SERPINB2: variants seen among roughly 807,000 people sequenced by gnomAD.
SERPINB2 encodes serpin family B member 2.
SERPINB2 carries 28 observed loss-of-function variants against 39.4 expected under a neutral mutation model. The ratio of observed to expected loss-of-function variants is 0.71; its 90% confidence interval spans 0.53 to 0.97. The LOEUF (loss-of-function observed/expected upper bound fraction) is 0.97, where lower values mean the gene tolerates loss of function less well. Ranked by LOEUF, SERPINB2 falls within the 50% of genes least tolerant of loss-of-function variation. SERPINB2 has a pLI of 0.00. For synonymous variants in SERPINB2, 209 were observed against 175.1 expected (o/e 1.19, Z -1.53); for missense variants, 557 against 505.3 (o/e 1.10, Z -0.98).
In SERPINB2 at chr18:63,888,962, T is replaced by C. The variant is rs73475994; in HGVS notation, c.-10+1192T>C. On this transcript the variant is annotated intron_variant, in intron 1 of 7. Transcript: ENST00000299502. ...CATTCAAACATAAAGTATGGCCTTA[T>C]CTGAGAGTCAGGAAACACTGCATAT... Among the ~76,000 whole-genome samples the C allele has an allele frequency of 9.0e-3, 1,364 of 152,326 alleles. 31 individuals are homozygous for C. Among genetic ancestry groups the C allele is most frequent in the African/African-American group, 0.031 (1,307 of 41,568 alleles).
chr18:63,889,480 T>C (rs1447030113), intron 1 of SERPINB2, among the ~76,000 whole-genome samples: 1 of 152,212 alleles, frequency 6.6e-6, no homozygotes, highest in Non-Finnish European at 1.5e-5. Flanking sequence ...CGGTATGAAT[T>C]GTTACAAAGA....
chr18:63,895,768 G>A (rs1461839229), intron 3 of SERPINB2, among the ~76,000 whole-genome samples: 1 of 152,100 alleles, frequency 6.6e-6, no homozygotes, highest in Non-Finnish European at 1.5e-5. Flanking sequence ...CAGAAGGCTG[G>A]GCCCAATGAT....
Position 63,897,846 on chromosome 18 carries a change from TA to T in SERPINB2, c.535+5del. On this transcript the variant is annotated splice_donor_region_variant and intron_variant, in intron 5 of 7. Coordinates refer to ENST00000299502, the MANE Select transcript of SERPINB2 (RefSeq NM_002575.3). ...CCTGGGTCAAGACTCAAACCAAAGG[TA>T]AATCCAAGAAAATATTTTATTTACT... The T allele has an allele frequency of 6.5e-7, 1 of 1,535,830 alleles. No homozygotes were observed. The highest frequency in any genetic ancestry group is 9.0e-7 in the Non-Finnish European group (1 of 1,116,942).
At position 63,891,573 on chromosome 18, in the gene SERPINB2, C is replaced by T; in HGVS notation, c.129C>T (p.Tyr43=). 1 of 1,614,152 alleles carries T rather than the reference C, an allele frequency of 6.2e-7. No homozygotes were observed. Among genetic ancestry groups the T allele is most frequent in the East Asian group, 2.2e-5 (1 of 44,882 alleles). The stretch of plus-strand genomic sequence containing the variant: ...TCTCGTCCACCATGGCCATGGTCTA[C>T]ATGGGCTCCAGGGGCAGCACCGAAG... ...WSISSTMAMV[Y]MGSRGSTEDQ... The change falls in exon 2 of 8, where the codon TAC becomes TAT. Residue 43 remains tyrosine, a synonymous_variant. Coordinates refer to ENST00000299502, the MANE Select transcript of SERPINB2 (RefSeq NM_002575.3).
intron 4 of SERPINB2, 57 bp from the exon 5 acceptor site, chr18:63,897,670 G>T (rs2049968708): frequency 1.7e-6 from 2 of 1,169,098 alleles, no homozygotes; most frequent in African/African-American, 3.1e-5. Context: ...TCACCATTAT[G>T]CCATGGCTTG....
At position 63,891,379 on chromosome 18, in the gene SERPINB2, C is replaced by T. The variant is rs146240723; in HGVS notation, c.-9-57C>T. On this transcript the variant is annotated intron_variant, in intron 1 of 7. Transcript: ENST00000299502. The stretch of plus-strand genomic sequence containing the variant: ...GCCTGTCCTACTGTTGCTGACCTCA[C>T]CCAAAATGTTACCTTATGTTTCAGA... 7.6e-3 allele frequency: 12,048 copies of T among 1,583,346 alleles called. 62 individuals are homozygous for T. Among genetic ancestry groups the T allele is most frequent in the Non-Finnish European group, 9.5e-3 (11,041 of 1,158,346 alleles).
At chr18:63,896,200 TG>T in intron 3 of SERPINB2, among the ~76,000 whole-genome samples, 1 of 152,330 alleles carries the variant, frequency 6.6e-6, no homozygotes, top group African/African-American at 2.4e-5. Flanking sequence ...GACAGGATCC[TG>T]ATCATGTGGA....
intron 2 of SERPINB2, among the ~76,000 whole-genome samples, chr18:63,895,025 A>C (rs2049950018): frequency 6.6e-6 from 1 of 152,308 alleles, no homozygotes; most frequent in Non-Finnish European, 1.5e-5. Context: ...TTTGTTTTCC[A>C]AAATGGCCAG....
At chr18:63,897,437 A>G (rs1156300460) in intron 4 of SERPINB2, among the ~76,000 whole-genome samples, 1 of 152,198 alleles carries the variant, frequency 6.6e-6, no homozygotes, top group Non-Finnish European at 1.5e-5. Flanking sequence ...ATAAATCAGG[A>G]AAACAAATGC....
chr18:63,902,375 T>C (rs1402129403), intron 6 of SERPINB2, 29 bp from the exon 7 acceptor site: 2 of 1,520,040 alleles, frequency 1.3e-6, no homozygotes, highest in Non-Finnish European at 1.8e-6. Context: ...TATAATCGAC[T>C]TCCATATTTT....
At chr18:63,892,291 C>T (rs2049931771) in intron 2 of SERPINB2, among the ~76,000 whole-genome samples, 1 of 152,178 alleles carries the variant, frequency 6.6e-6, no homozygotes, top group Admixed American at 6.5e-5. Flanking sequence ...TGAGGGATTT[C>T]TGCAAGGCCA....
chr18:63,903,028 T>G lies in SERPINB2; in HGVS notation c.971T>G (p.Leu324Arg), dbSNP rs1219668601. The change falls in exon 8 of 8, where the codon CTG becomes CGG. Residue 324 changes from leucine (L) to arginine (R), a missense_variant. By Grantham distance (102) the Leu-to-Arg change is moderately radical. Transcript: ENST00000299502. ...GAGCATTATGAACTCAGATCCATTC[T>G]GAGAAGCATGGGCATGGAGGACGCC... ...LEEHYELRSI[L>R]RSMGMEDAFN... 2 of 1,613,812 alleles carry G rather than the reference T, an allele frequency of 1.2e-6. No homozygotes were observed. The highest frequency in any genetic ancestry group is 3.3e-5 in the Admixed American group (2 of 59,970).
chr18:63,902,675 T>C lies in SERPINB2; in HGVS notation c.843+107T>C, dbSNP rs893551699. Reference sequence around the variant, plus strand: ...TGTGGTAATTTCTCATGGAAATATATGAAACAGTTGATAGTAAATATGGCA... The same window carrying C: ...TGTGGTAATTTCTCATGGAAATATACGAAACAGTTGATAGTAAATATGGCA... On this transcript the variant is annotated intron_variant, in intron 7 of 7. Transcript: ENST00000299502. 3.4e-6 allele frequency: 4 copies of C among 1,193,610 alleles called. No individual in the cohort carries two copies. The South Asian group carries it at 4.5e-5, about 13-fold the overall frequency. 73.9% of individuals were successfully genotyped at this position (1,193,610 alleles called of 1,614,324 possible). A position where few individuals can be genotyped will look rare whatever the true frequency, so the allele number is the denominator to read the frequency against.
chr18:63,893,331 T>C (rs573110057), intron 2 of SERPINB2, among the ~76,000 whole-genome samples: 1 of 152,340 alleles, frequency 6.6e-6, no homozygotes, highest in South Asian at 2.1e-4. Context: ...ATCTTGATTT[T>C]GGTACTAGAG....
At chr18:63,900,101 A>G (rs900953668) in intron 5 of SERPINB2, among the ~76,000 whole-genome samples, 2 of 152,166 alleles carry the variant, frequency 1.3e-5, no homozygotes, top group African/African-American at 4.8e-5. Context: ...CTCTTTAGAC[A>G]TTGTGCTAAA....
At chr18:63,897,914 T>G (rs922168278) in intron 5 of SERPINB2, 70 bp downstream of exon 5, 60 of 1,063,766 alleles carry the variant, frequency 5.6e-5, no homozygotes, top group Non-Finnish European at 8.4e-5. Context: ...TTTCCATCCA[T>G]GAACTTAGTT....
At chr18:63,891,412 T>G (rs1419409294) in intron 1 of SERPINB2, 24 bp from the exon 2 acceptor site, 82 of 1,612,358 alleles carry the variant, frequency 5.1e-5, no homozygotes, top group Non-Finnish European at 6.9e-5. Context: ...AGAGCTGTTT[T>G]TTTCTTCCTC....
In SERPINB2 at chr18:63,903,295, C is replaced by G. The variant is rs6104; in HGVS notation, c.1238C>G (p.Ser413Cys). 0.24 allele frequency: 369,733 copies of G among 1,526,154 alleles called. 47,860 individuals carry two copies. The highest frequency in any genetic ancestry group is 0.41 in the East Asian group (18,036 of 43,710). 94.5% of individuals were successfully genotyped at this position (1,526,154 alleles called of 1,614,324 possible). A position where few individuals can be genotyped will look rare whatever the true frequency, so the allele number is the denominator to read the frequency against. The change falls in exon 8 of 8, where the codon TCC (serine) becomes TGC (cysteine). Residue 413 changes from serine (S) to cysteine (C), a missense_variant. Transcript: ENST00000299502. ...TGCATTTTATTTTTCGGCAGATTTT[C>G]CTCACCCTAAAACTAAGCGTGCTGC... Reference protein sequence around the residue: ...TNCILFFGRFSSP With the variant: ...TNCILFFGRFCSP
chr18:63,896,519 A>G (rs1486472447), intron 3 of SERPINB2, among the ~76,000 whole-genome samples: 2 of 152,238 alleles, frequency 1.3e-5, no homozygotes, highest in African/African-American at 4.8e-5. Context: ...TACATGTTCA[A>G]GATGTACAGT....
Sources: gnomAD v4.1 joint callset for allele counts (sites outside exome capture counted in the v4.1 genomes callset) on GRCh38, gnomAD v4.1.1 for gene constraint, MANE v1.5 for transcripts, NCBI Gene and HGNC (gene_info 2026-07-23, HGNC 2026-07-21) for gene names.